The following TECRL variants were observed in gnomAD, a reference collection of about 807,000 sequenced individuals.
TECRL encodes trans-2,3-enoyl-CoA reductase like.
A neutral mutation model predicts 52.8 loss-of-function variants in TECRL; 63 were observed. The ratio of observed to expected loss-of-function variants is 1.19; its 90% CI spans 0.97 to 1.47. The LOEUF (loss-of-function observed/expected upper bound fraction) is 1.47, where lower values mean the gene tolerates loss of function less well. Among genes scored for constraint, TECRL ranks in the 40% most tolerant of loss-of-function variants. TECRL has a pLI of 0.00. For missense variants in TECRL, 482 were observed against 429.6 expected (o/e 1.12, Z -1.08); for synonymous variants, 164 against 141.9 (o/e 1.16, Z -1.10).
chr4:64,307,509 T>C (rs973166382), intron 6 of TECRL, among the ~76,000 whole-genome samples: 13 of 152,084 alleles, frequency 8.5e-5, no homozygotes, highest in Non-Finnish European at 1.5e-5. Context: ...TTTTTCTCTC[T>C]CTCTCCCCAT....
chr4:64,286,652 A>T (rs1472914271), intron 9 of TECRL, among the ~76,000 whole-genome samples: 3 of 152,110 alleles, frequency 2.0e-5, no homozygotes, highest in African/African-American at 7.2e-5. Context: ...ATAATAAAAA[A>T]GTCACCTGCA....
In TECRL at chr4:64,308,183, T is replaced by G. The variant is rs139430215; in HGVS notation, c.657+1643A>C. ...ATAGAAGGTCTTGCAAGAGGGACAA[T>G]GCCTACAAGAACACACCTGAACCAC... On this transcript the variant is annotated intron_variant, in intron 6 of 11. Coordinates refer to ENST00000381210, the MANE Select transcript of TECRL (RefSeq NM_001010874.5). Among the ~76,000 whole-genome samples the G allele has an allele frequency of 2.5e-3, 385 of 152,196 alleles. 6 individuals carry two copies. Among genetic ancestry groups the G allele is most frequent in the African/African-American group, 8.5e-3 (351 of 41,524 alleles).
At chr4:64,301,763 G>T (rs1203055510) in intron 7 of TECRL, among the ~76,000 whole-genome samples, 2 of 151,032 alleles carry the variant, frequency 1.3e-5, no homozygotes, top group Non-Finnish European at 3.0e-5. Flanking sequence ...AGCACATTAG[G>T]CAGAGTACAG....
intron 2 of TECRL, among the ~76,000 whole-genome samples, chr4:64,337,981 C>A (rs751122253): frequency 1.4e-4 from 22 of 152,116 alleles, no homozygotes; most frequent in Non-Finnish European, 2.9e-4. Flanking sequence ...CAAGACAATC[C>A]TAAGCCAAAA....
chr4:64,302,335 C>A lies in TECRL; in HGVS notation c.731-2318G>T, dbSNP rs556438542. Among the ~76,000 whole-genome samples, 16 of 151,334 alleles carry A rather than the reference C, an allele frequency of 1.1e-4. No individual in the cohort carries two copies. The South Asian group carries it at 2.7e-3, about 26-fold the overall frequency. ...GGTGAAAATTGTGATAAAAGTCAAA[C>A]ACTGTTACCACAGAGAATTCTGAAA... On this transcript the variant is annotated intron_variant, in intron 7 of 11. Coordinates refer to ENST00000381210, the MANE Select transcript of TECRL (RefSeq NM_001010874.5).
chr4:64,380,083 T>C (rs916072866), intron 1 of TECRL, among the ~76,000 whole-genome samples: 2 of 152,138 alleles, frequency 1.3e-5, no homozygotes, highest in Non-Finnish European at 2.9e-5. Flanking sequence ...CTTTCCATAA[T>C]AGCCATTCAT....
intron 9 of TECRL, among the ~76,000 whole-genome samples, chr4:64,285,791 T>C (rs974278672): frequency 1.3e-5 from 2 of 152,198 alleles, no homozygotes; most frequent in East Asian, 3.9e-4. Flanking sequence ...AGACATTGTT[T>C]CCAAGAAAGA....
intron 9 of TECRL, among the ~76,000 whole-genome samples, chr4:64,283,634 C>G (rs559490801): frequency 6.6e-6 from 1 of 152,108 alleles, no homozygotes; most frequent in East Asian, 1.9e-4. Context: ...AGAGGTCCAC[C>G]TAGATAGTAT....
rs774979035 is a variant in TECRL, at chr4:64,328,501, A to T, written c.331+11T>A. On this transcript the variant is annotated intron_variant, in intron 3 of 11. Coordinates refer to ENST00000381210, the MANE Select transcript of TECRL (RefSeq NM_001010874.5). ...AATTAAATAAACACATCAGTGAAAA[A>T]TGCTTCTTACCACATTCTAGCTGCA... The T allele has an allele frequency of 6.2e-7, 1 of 1,609,720 alleles. No homozygotes were observed. Among genetic ancestry groups the T allele is most frequent in the South Asian group, 1.1e-5 (1 of 90,658 alleles).
chr4:64,331,664 C>G (rs535614594), intron 2 of TECRL, among the ~76,000 whole-genome samples: 1 of 152,086 alleles, frequency 6.6e-6, no homozygotes, highest in Non-Finnish European at 1.5e-5. Flanking sequence ...CAAAAACCTA[C>G]AGGATTTTTT....
At chr4:64,329,969 T>C (rs1392347037) in intron 2 of TECRL, among the ~76,000 whole-genome samples, 2 of 150,058 alleles carry the variant, frequency 1.3e-5, no homozygotes, top group Non-Finnish European at 3.0e-5. Context: ...TATTTTATTG[T>C]ACTATTTACT....
At chr4:64,302,898 T>C (rs887090555) in intron 7 of TECRL, among the ~76,000 whole-genome samples, 3 of 151,370 alleles carry the variant, frequency 2.0e-5, no homozygotes, top group African/African-American at 4.8e-5. Context: ...TCATAGTTGC[T>C]CTTTAATTAT....
At chr4:64,285,294 A>G (rs2109934198) in intron 9 of TECRL, among the ~76,000 whole-genome samples, 1 of 152,198 alleles carries the variant, frequency 6.6e-6, no homozygotes, top group South Asian at 2.1e-4. Context: ...TCCTAGCTTC[A>G]GATACCCAAT....
intron 1 of TECRL, among the ~76,000 whole-genome samples, chr4:64,385,616 A>G (rs548003177): frequency 6.6e-6 from 1 of 152,210 alleles, no homozygotes; most frequent in South Asian, 2.1e-4. Context: ...GTGGGGCTCT[A>G]GGAATGTGGA....
At chr4:64,317,554 G>A (rs544711833) in intron 4 of TECRL, among the ~76,000 whole-genome samples, 5 of 152,286 alleles carry the variant, frequency 3.3e-5, no homozygotes, top group African/African-American at 1.2e-4. Context: ...CTGAAGATAA[G>A]GGTGTTGCAT....
At chr4:64,307,257 G>T (rs1724395249) in intron 6 of TECRL, among the ~76,000 whole-genome samples, 1 of 152,236 alleles carries the variant, frequency 6.6e-6, no homozygotes, top group East Asian at 1.9e-4. Flanking sequence ...TTACTTCAAG[G>T]TATTTTCCAA....
At chr4:64,393,057 C>A (rs1048808688) in intron 1 of TECRL, among the ~76,000 whole-genome samples, 3 of 151,950 alleles carry the variant, frequency 2.0e-5, no homozygotes, top group Non-Finnish European at 1.5e-5. Context: ...GACTAACAAA[C>A]CCCGAAGTCC....
At chr4:64,382,548 G>A (rs937985717) in intron 1 of TECRL, among the ~76,000 whole-genome samples, 10 of 150,786 alleles carry the variant, frequency 6.6e-5, no homozygotes, top group South Asian at 2.1e-4. Flanking sequence ...TTTGGTTTTC[G>A]TTTGTATGGA....
chr4:64,376,817 G>C (rs1337414932), intron 1 of TECRL, among the ~76,000 whole-genome samples: 3 of 151,872 alleles, frequency 2.0e-5, no homozygotes, highest in Non-Finnish European at 2.9e-5. Context: ...AATCTATATG[G>C]AGCTGAGGAT....
Sources: allele counts gnomAD v4.1 joint callset (sites outside exome capture counted in the v4.1 genomes callset), GRCh38; gene constraint gnomAD v4.1.1; transcripts MANE v1.5; gene names NCBI Gene and HGNC (gene_info 2026-07-23, HGNC 2026-07-21).